Variants in YEATS4 observed in about 807,000 individuals in gnomAD.
YEATS4 encodes the protein YEATS domain containing 4, also known as YEATS domain-containing protein 4.
YEATS4 carries 17 observed loss-of-function variants against 30.1 expected under a neutral mutation model. That is an observed-to-expected ratio of 0.56 (90% CI 0.39 to 0.85). The LOEUF (loss-of-function observed/expected upper bound fraction) is 0.85. YEATS4 is among the 40% of genes least tolerant of loss of function. The probability of loss-of-function intolerance (pLI) is 0.00; values close to 1 mark genes in which losing one functional copy is unlikely to be tolerated. For synonymous variants in YEATS4, 85 were observed against 87.5 expected (o/e 0.97, Z 0.16); for missense variants, 142 against 268.3 (o/e 0.53, Z 3.29).
chr12:69,365,850 T>A lies in YEATS4; in HGVS notation c.299T>A (p.Ile100Asn). Residue 100 changes from isoleucine (I) to asparagine (N), a missense_variant, in exon 4 of 7, where the codon ATC becomes AAC. Transcript: ENST00000247843. ...GGATGGGGTGAATTCGAAATAATCA[T>A]CAAAATATTTTTCATTGACCCTAAT... Reference protein sequence around the residue: ...ETGWGEFEIIIKIFFIDPNER... With the variant: ...ETGWGEFEIINKIFFIDPNER... The A allele has an allele frequency of 6.2e-7, 1 of 1,609,974 alleles. No homozygotes were observed. Among genetic ancestry groups the A allele is most frequent in the Non-Finnish European group, 8.5e-7 (1 of 1,178,720 alleles).
At chr12:69,407,497 C>A in the YEATS4 span, among the ~76,000 whole-genome samples, 3 of 151,920 alleles carry the variant, frequency 2.0e-5, no homozygotes, top group Admixed American at 6.6e-5. Flanking sequence ...TATATTGAGG[C>A]TGGGAATTGT....
intron 4 of YEATS4, among the ~76,000 whole-genome samples, chr12:69,368,544 C>G (rs539136838): frequency 6.6e-6 from 1 of 152,242 alleles, no homozygotes; most frequent in Admixed American, 6.5e-5. Flanking sequence ...CAGTTGTGCA[C>G]ATGGTTTTAA....
downstream of YEATS4, among the ~76,000 whole-genome samples, chr12:69,392,776 A>C (rs987921730): frequency 1.3e-5 from 2 of 152,220 alleles, no homozygotes; most frequent in Non-Finnish European, 2.9e-5. Context: ...TCAGATGAGT[A>C]ATCTGCTATG....
At chr12:69,384,977 T>G (rs147549074) in intron 6 of YEATS4, among the ~76,000 whole-genome samples, 4 of 152,052 alleles carry the variant, frequency 2.6e-5, no homozygotes, top group African/African-American at 9.7e-5. Context: ...CAAACAGTAG[T>G]GAATGACTAT....
At chr12:69,368,795 C>T (rs1875532683) in intron 4 of YEATS4, among the ~76,000 whole-genome samples, 1 of 152,194 alleles carries the variant, frequency 6.6e-6, no homozygotes, top group African/African-American at 2.4e-5. Flanking sequence ...TGTCACATGG[C>T]CTTATCTTTC....
chr12:69,362,881 GT>G lies in YEATS4; in HGVS notation c.146del (p.Val49AspfsTer3), dbSNP rs1261432384. ...AGATGGGCACACTCATCAGTGGACAGTATATGTGAAACCATATAGAAATGAG... is the reference window on the plus strand; with the variant it reads ...AGATGGGCACACTCATCAGTGGACAGATATGTGAAACCATATAGAAATGAG... ...EEDGHTHQWT[V>X]YVKPYRNEDM... is the part of the protein sequence containing the mutation. On this transcript the variant is annotated frameshift_variant, in exon 2 of 7. Coordinates refer to ENST00000247843, the MANE Select transcript of YEATS4 (RefSeq NM_006530.4). LOFTEE classifies it high-confidence loss of function. The G allele has an allele frequency of 1.3e-6, 2 of 1,574,278 alleles. No homozygotes were observed. Among genetic ancestry groups the G allele is most frequent in the Non-Finnish European group, 1.7e-6 (2 of 1,155,818 alleles).
chr12:69,373,542 G>A (rs1875728127), intron 6 of YEATS4, among the ~76,000 whole-genome samples: 1 of 152,140 alleles, frequency 6.6e-6, no homozygotes. Context: ...TTTGACAGAT[G>A]GGTAGTTTGC....
At chr12:69,360,195 T>C (rs1336982542) in intron 1 of YEATS4, among the ~76,000 whole-genome samples, 172 bp downstream of exon 1, 2 of 152,090 alleles carry the variant, frequency 1.3e-5, no homozygotes, top group East Asian at 1.9e-4. Context: ...CCGGCGTTCA[T>C]TGGGCCCCAA....
chr12:69,386,208 A>C (rs1175726971), intron 6 of YEATS4, among the ~76,000 whole-genome samples: 1 of 152,238 alleles, frequency 6.6e-6, no homozygotes, highest in East Asian at 1.9e-4. Flanking sequence ...TCTTCTTCCA[A>C]ACATCTAGTG....
the YEATS4 span, among the ~76,000 whole-genome samples, chr12:69,401,905 G>A: frequency 7.2e-5 from 11 of 152,186 alleles, no homozygotes; most frequent in Admixed American, 3.3e-4. Flanking sequence ...TCTGTTTCAC[G>A]GTGTTCAGCT....
At chr12:69,424,340 T>C in the YEATS4 span, among the ~76,000 whole-genome samples, 1 of 152,204 alleles carries the variant, frequency 6.6e-6, no homozygotes, top group Non-Finnish European at 1.5e-5. Flanking sequence ...ATTTCCATAC[T>C]CAGGAGACAG....
chr12:69,393,505 A>G (rs554383594), downstream of YEATS4, among the ~76,000 whole-genome samples: 1 of 129,896 alleles, frequency 7.7e-6, no homozygotes, highest in African/African-American at 2.7e-5. Context: ...TACAAGTACC[A>G]GCTAGGAAAA....
At chr12:69,398,094 A>G in the YEATS4 span, among the ~76,000 whole-genome samples, 2 of 152,210 alleles carry the variant, frequency 1.3e-5, no homozygotes, top group African/African-American at 4.8e-5. Context: ...GAAGCATCAT[A>G]CATAGTGGTA....
At chr12:69,375,420 T>G (rs1464347141) in intron 6 of YEATS4, among the ~76,000 whole-genome samples, 11 of 114,026 alleles carry the variant, frequency 9.6e-5, no homozygotes, top group Non-Finnish European at 9.1e-5. Flanking sequence ...CTTCCCAGAC[T>G]GGGCGGCTGG....
chr12:69,377,928 T>C (rs1262654086), intron 6 of YEATS4, among the ~76,000 whole-genome samples: 1 of 152,200 alleles, frequency 6.6e-6, no homozygotes, highest in Non-Finnish European at 1.5e-5. Flanking sequence ...ATCTGTTCAG[T>C]GCTGAAAGTT....
intron 2 of YEATS4, among the ~76,000 whole-genome samples, chr12:69,365,191 T>C (rs1241943066): frequency 2.6e-5 from 4 of 152,064 alleles, no homozygotes; most frequent in Non-Finnish European, 5.9e-5. Flanking sequence ...GGCTCACGCC[T>C]GTAATTCCAG....
intron 4 of YEATS4, among the ~76,000 whole-genome samples, chr12:69,369,961 CTT>C (rs1161052826): frequency 6.6e-6 from 1 of 152,108 alleles, no homozygotes; most frequent in Non-Finnish European, 1.5e-5. Flanking sequence ...TATTTTCTGA[CTT>C]TTTCAGTGTA....
intron 4 of YEATS4, among the ~76,000 whole-genome samples, chr12:69,368,267 T>C (rs1477775383): frequency 3.3e-5 from 5 of 152,192 alleles, no homozygotes; most frequent in Non-Finnish European, 5.9e-5. Context: ...TAACCTATTA[T>C]ACAGATCAAG....
the YEATS4 span, among the ~76,000 whole-genome samples, chr12:69,397,406 A>G: frequency 6.6e-6 from 1 of 152,150 alleles, no homozygotes; most frequent in Non-Finnish European, 1.5e-5. Flanking sequence ...TAGCTCCCAT[A>G]ATCCCCACTT....
Sources: gnomAD v4.1 joint callset for allele counts (sites outside exome capture counted in the v4.1 genomes callset) on GRCh38, gnomAD v4.1.1 for gene constraint, MANE v1.5 for transcripts, NCBI Gene and HGNC (gene_info 2026-07-23, HGNC 2026-07-21) for gene names.